Variants in PCYT1B observed in about 807,000 individuals in gnomAD.
PCYT1B encodes phosphate cytidylyltransferase 1B, choline.
A neutral mutation model predicts 26.4 loss-of-function variants in PCYT1B; 10 were observed. The ratio of observed to expected loss-of-function variants is 0.38; its 90% CI spans 0.23 to 0.64. The LOEUF (loss-of-function observed/expected upper bound fraction) is 0.64. PCYT1B is among the 30% of genes least tolerant of loss of function. The pLI, the probability that PCYT1B is intolerant of heterozygous loss-of-function variation, is 0.56. For missense variants in PCYT1B, 161 were observed against 292.7 expected (o/e 0.55, Z 3.28); for synonymous variants, 131 against 108.4 (o/e 1.21, Z -1.29).
At chrX:24,593,258 A>G (rs963513895) in intron 3 of PCYT1B, among the ~76,000 whole-genome samples, 1 of 111,270 alleles carries the variant, frequency 9.0e-6, no homozygotes, top group Non-Finnish European at 1.9e-5. Context: ...TGATACATAT[A>G]GATACTCAAG....
chrX:24,587,210 G>T, intron 5 of PCYT1B, 31 bp downstream of exon 5: 1 of 1,015,344 alleles, frequency 9.8e-7, no homozygotes, highest in Non-Finnish European at 1.4e-6. Context: ...TTGTGATGTG[G>T]TTGACAGGTG....
At chrX:24,570,608 C>A (rs1923794645) in intron 7 of PCYT1B, among the ~76,000 whole-genome samples, 2 of 111,099 alleles carry the variant, frequency 1.8e-5, no homozygotes, top group Non-Finnish European at 3.8e-5. Flanking sequence ...AACCATCCAG[C>A]TGGGCTGCTT....
rs1923238925 is a variant in PCYT1B at position 24,558,276 on chromosome X, G to A, written c.*4017C>T. On this transcript the variant is annotated 3_prime_UTR_variant, in exon 8 of 8. Coordinates refer to ENST00000379144, the MANE Select transcript of PCYT1B (RefSeq NM_004845.5). ...TCGTGCTTTAACCCAGACAGGTCTTGTCTTATATGTACAGCATAGTCTTAA... is the reference window on the plus strand; with the variant it reads ...TCGTGCTTTAACCCAGACAGGTCTTATCTTATATGTACAGCATAGTCTTAA... 8.9e-6 allele frequency: 1 copy of A among 112,109 alleles called. No individual in the cohort carries two copies. Among genetic ancestry groups the A allele is most frequent in the Non-Finnish European group, 1.9e-5 (1 of 53,191 alleles). The allele number at this position is 112,109 out of a possible 1,213,427, so 9.2% of individuals were successfully genotyped here.
At chrX:24,605,436 G>A (rs61761902) in intron 3 of PCYT1B, among the ~76,000 whole-genome samples, 1,364 of 111,218 alleles carry the variant, frequency 0.012, 12 homozygotes, top group Non-Finnish European at 0.019. Context: ...TCCTTCCTCC[G>A]CCCAGTCACT....
intron 2 of PCYT1B, among the ~76,000 whole-genome samples, chrX:24,609,240 G>A (rs1457701606): frequency 2.7e-5 from 3 of 109,656 alleles, no homozygotes; most frequent in Non-Finnish European, 3.8e-5. Context: ...GCGCAATCTC[G>A]GCTCACTGCA....
chrX:24,594,275 A>G (rs1924708891), intron 3 of PCYT1B, among the ~76,000 whole-genome samples: 1 of 111,335 alleles, frequency 9.0e-6, no homozygotes, highest in African/African-American at 3.3e-5. Flanking sequence ...GGCCATAATA[A>G]CTATGTGTTG....
At chrX:24,587,122 A>G (rs1443435750) in intron 5 of PCYT1B, 119 bp downstream of exon 5, 3 of 495,513 alleles carry the variant, frequency 6.1e-6, no homozygotes, top group East Asian at 7.3e-5. Flanking sequence ...CCTGGGGGAC[A>G]CCTAAAGTTG....
chrX:24,573,355 G>A (rs939791000), intron 7 of PCYT1B, among the ~76,000 whole-genome samples: 6 of 110,396 alleles, frequency 5.4e-5, no homozygotes, highest in Admixed American at 2.9e-4. Flanking sequence ...TAGTAGATAC[G>A]GGGTTTCACC....
At chrX:24,611,939 T>C (rs1419395842) in intron 2 of PCYT1B, among the ~76,000 whole-genome samples, 3 of 111,209 alleles carry the variant, frequency 2.7e-5, no homozygotes, top group Non-Finnish European at 5.7e-5. Context: ...CACCACTGCA[T>C]TCCAGCCTGG....
chrX:24,618,104 A>T (rs1925573561), intron 2 of PCYT1B, among the ~76,000 whole-genome samples: 1 of 111,277 alleles, frequency 9.0e-6, no homozygotes, highest in Non-Finnish European at 1.9e-5. Flanking sequence ...TTGTCTCTTG[A>T]AAAACAGATG....
intron 1 of PCYT1B, among the ~76,000 whole-genome samples, chrX:24,622,077 A>G (rs746026508): frequency 8.9e-6 from 1 of 112,660 alleles, no homozygotes; most frequent in South Asian, 3.7e-4. Context: ...GCATGTGTGC[A>G]CAGGTGACTA....
intron 1 of PCYT1B, among the ~76,000 whole-genome samples, chrX:24,639,635 C>T (rs757474870): frequency 3.6e-5 from 4 of 111,881 alleles, no homozygotes; most frequent in Non-Finnish European, 7.5e-5. Context: ...ATTATAGTTC[C>T]GTACTAGCCA....
intron 3 of PCYT1B, among the ~76,000 whole-genome samples, chrX:24,605,599 C>T (rs989017895): frequency 1.8e-5 from 2 of 111,906 alleles, no homozygotes; most frequent in African/African-American, 6.5e-5. Flanking sequence ...CAGAAAAATG[C>T]CTGGCACATA....
At chrX:24,651,753 G>A (rs80043070), upstream of PCYT1B, among the ~76,000 whole-genome samples, 1 of 106,915 alleles carries the variant, frequency 9.4e-6, no homozygotes, top group Non-Finnish European at 1.9e-5. Flanking sequence ...GAGCTCAAGC[G>A]ATCTGCCTGC....
chrX:24,652,895 C>T lies in PCYT1B; in HGVS notation c.63+19675G>A, dbSNP rs142758411. ...GGTCAGGAGTTCAAGACCAGCCTGGCCAACATGATGAAACCCAGTCTCTAT... is the reference window on the plus strand; with the variant it reads ...GGTCAGGAGTTCAAGACCAGCCTGGTCAACATGATGAAACCCAGTCTCTAT... On this transcript the variant is annotated intron_variant, in intron 1 of 7. Coordinates refer to the PCYT1B transcript ENST00000379145. Among the ~76,000 whole-genome samples, 53 of 111,378 alleles carry T rather than the reference C, an allele frequency of 4.8e-4. 1 individual carries two copies. Among genetic ancestry groups the T allele is most frequent in the African/African-American group, 1.6e-3 (49 of 30,665 alleles).
At chrX:24,657,639 T>C (rs1028635450) in intron 1 of PCYT1B, among the ~76,000 whole-genome samples, 1 of 111,874 alleles carries the variant, frequency 8.9e-6, no homozygotes, top group Non-Finnish European at 1.9e-5. Context: ...TCAAGGTTAA[T>C]AATCTAACCA....
intron 5 of PCYT1B, among the ~76,000 whole-genome samples, chrX:24,580,913 G>C (rs1180219876): frequency 2.7e-5 from 3 of 111,328 alleles, no homozygotes; most frequent in Non-Finnish European, 5.7e-5. Context: ...CTGAGAAAAA[G>C]GTGATTGGAC....
Position 24,644,380 on chromosome X carries a change from G to GTAAA in PCYT1B, c.117+2605_117+2608dup, listed in dbSNP as rs779223611. On this transcript the variant is annotated intron_variant, in intron 1 of 7. Coordinates refer to ENST00000379144, the MANE Select transcript of PCYT1B (RefSeq NM_004845.5). ...CAACGTGGAAAATTTTGTATCATAAGTAAATCAAAGCAGGTGCTTCAACAG... is the reference window on the plus strand; with the variant it reads ...CAACGTGGAAAATTTTGTATCATAAGTAAATAAATCAAAGCAGGTGCTTCAACAG... Among the ~76,000 whole-genome samples the GTAAA allele has an allele frequency of 1.6e-4, 17 of 108,635 alleles. No individual in the cohort carries two copies. In the South Asian group the frequency reaches 6.9e-3, roughly 44 times the overall value. 94.3% of individuals were successfully genotyped at this position (108,635 alleles called of 115,157 possible).
intron 1 of PCYT1B, among the ~76,000 whole-genome samples, chrX:24,656,242 T>A: frequency 1.3e-5 from 1 of 78,168 alleles, no homozygotes; most frequent in African/African-American, 4.9e-5. Flanking sequence ...GGGGGGGTGG[T>A]AATCAAGAAG....
Sources: allele counts gnomAD v4.1 joint callset (sites outside exome capture counted in the v4.1 genomes callset), GRCh38; gene constraint gnomAD v4.1.1; transcripts MANE v1.5; gene names NCBI Gene and HGNC (gene_info 2026-07-23, HGNC 2026-07-21).